RYR2: variants seen among roughly 807,000 people sequenced by gnomAD.
RYR2 encodes the protein ryanodine receptor 2.
RYR2 carries 227 observed loss-of-function variants against 601.1 expected under a neutral mutation model. The observed-to-expected ratio is 0.38, with a 90% CI of 0.34 to 0.42. The LOEUF is 0.42. Among genes scored for constraint, RYR2 ranks in the 10% least tolerant of loss-of-function variants. The probability of loss-of-function intolerance (pLI) is 1.00; values close to 1 mark genes in which losing one functional copy is unlikely to be tolerated. For missense variants in RYR2, 4,646 were observed against 6,156.5 expected, an observed-to-expected ratio of 0.75 and a Z score of 8.21; for synonymous variants, 2,223 against 2,175.1, an observed-to-expected ratio of 1.02 and a Z score of -0.61.
Position 237,649,930 on chromosome 1 carries a change from A to G in RYR2, c.7566A>G (p.Thr2522=), listed in dbSNP as rs1470523429. 2 of 1,613,998 alleles carry G rather than the reference A, an allele frequency of 1.2e-6. No individual in the cohort carries two copies. Among genetic ancestry groups the G allele is most frequent in the South Asian group, 1.1e-5 (1 of 91,084 alleles). Residue 2522 remains threonine, a synonymous_variant, in exon 50 of 105, where the codon ACA becomes ACG. Coordinates refer to ENST00000366574, the MANE Select transcript of RYR2 (RefSeq NM_001035.3). ...TGGCCCTCAATCGGTACCTTTGCAC[A>G]GCCGTCTTGCCATTGTTAACAAGAT... ...MALALNRYLC[T]AVLPLLTRCA... is the part of the protein sequence containing the mutation.
At chr1:237,540,604 G>T (rs1669153084) in intron 25 of RYR2, among the ~76,000 whole-genome samples, 1 of 152,108 alleles carries the variant, frequency 6.6e-6, no homozygotes, top group South Asian at 2.1e-4. Flanking sequence ...CTACTTGGGA[G>T]GCTGAGGCGG....
chr1:237,809,667 T>G (rs1397961129), intron 100 of RYR2, among the ~76,000 whole-genome samples: 1 of 152,152 alleles, frequency 6.6e-6, no homozygotes, highest in Non-Finnish European at 1.5e-5. Context: ...TATCCTTCAG[T>G]AAGCTCCTCA....
chr1:237,400,516 C>T (rs576969163), intron 10 of RYR2, among the ~76,000 whole-genome samples: 1 of 152,086 alleles, frequency 6.6e-6, no homozygotes, highest in African/African-American at 2.4e-5. Context: ...TGGTCCTGCC[C>T]AATATCTGAT....
chr1:237,616,103 G>T (rs1267094708), intron 37 of RYR2, among the ~76,000 whole-genome samples: 6 of 152,110 alleles, frequency 3.9e-5, no homozygotes, highest in African/African-American at 1.2e-4. Flanking sequence ...AACTCTAGGA[G>T]ACCATGCTCA....
chr1:237,496,780 T>C (rs1478753552), intron 20 of RYR2, 28 bp downstream of exon 20: 1 of 1,588,040 alleles, frequency 6.3e-7, no homozygotes, highest in Admixed American at 1.7e-5. Flanking sequence ...TCTTTCACCG[T>C]GTTCCAGAAG....
At chr1:237,288,796 A>G (rs948706895) in intron 2 of RYR2, among the ~76,000 whole-genome samples, 2 of 152,050 alleles carry the variant, frequency 1.3e-5, no homozygotes, top group African/African-American at 4.8e-5. Flanking sequence ...TCTGGACACT[A>G]GATTTGCACC....
chr1:237,453,475 A>G (rs951913604), intron 14 of RYR2, among the ~76,000 whole-genome samples: 11 of 152,144 alleles, frequency 7.2e-5, no homozygotes, highest in Non-Finnish European at 4.4e-5. Context: ...CAGCATAGTC[A>G]GAAAATTAGT....
At chr1:237,585,488 G>A (rs950476835) in intron 29 of RYR2, among the ~76,000 whole-genome samples, 4 of 152,168 alleles carry the variant, frequency 2.6e-5, no homozygotes, top group South Asian at 2.1e-4. Flanking sequence ...GGGAGGTGAC[G>A]GAGGCCTGGC....
At chr1:237,216,783 C>CA (rs368202599) in intron 1 of RYR2, among the ~76,000 whole-genome samples, 3,554 of 148,178 alleles carry the variant, frequency 0.024, 132 homozygotes, top group African/African-American at 0.08. Context: ...CAAAACAAAA[C>CA]AAAAAAAAGC....
rs1446700516 is a variant in RYR2 at position 237,727,123 on chromosome 1, C to T, written c.10762C>T (p.His3588Tyr). The T allele has an allele frequency of 1.2e-6, 2 of 1,605,076 alleles. No individual in the cohort carries two copies. Among genetic ancestry groups the T allele is most frequent in the Non-Finnish European group, 1.7e-6 (2 of 1,172,282 alleles). The change falls in exon 76 of 105, where the codon CAT becomes TAT. Residue 3588 changes from histidine to tyrosine, a missense_variant. Physicochemically the swap from His to Tyr is moderately conservative, Grantham distance 83. Coordinates refer to ENST00000366574, the MANE Select transcript of RYR2 (RefSeq NM_001035.3). ...HPQRSKKAVWHKLLSKQRKRA... is the reference protein window; with the variant it reads ...HPQRSKKAVWYKLLSKQRKRA... ...TCAGAGATCTAAAAAGGCTGTATGG[C>T]ATAAACTACTGTCCAAGCAGAGGAA... is the stretch of plus-strand genomic sequence containing the variant.
At chr1:237,556,504 T>A (rs1228825920) in intron 27 of RYR2, among the ~76,000 whole-genome samples, 2 of 131,132 alleles carry the variant, frequency 1.5e-5, no homozygotes, top group African/African-American at 2.8e-5. Flanking sequence ...AGAGGCGGGG[T>A]TTCACCATAT....
chr1:237,090,000 C>A (rs1056629953), intron 1 of RYR2, among the ~76,000 whole-genome samples: 3 of 152,174 alleles, frequency 2.0e-5, no homozygotes, highest in Non-Finnish European at 2.9e-5. Flanking sequence ...AGGAAACTTA[C>A]AATCATGGCA....
Position 237,138,490 on chromosome 1 carries a change from C to T in RYR2, c.48+95921C>T, listed in dbSNP as rs1393063965. ...AATCTAGTTTTGTCATTTAAAGTCT[C>T]GGGGCTTATTTTCTTATATGTGGAA... is the stretch of plus-strand genomic sequence containing the variant. On this transcript the variant is annotated intron_variant, in intron 1 of 104. Coordinates refer to ENST00000366574, the MANE Select transcript of RYR2 (RefSeq NM_001035.3). 1.3e-5 allele frequency among the ~76,000 whole-genome samples: 2 copies of T among 151,818 alleles called. 1 individual carries two copies. Among genetic ancestry groups the T allele is most frequent in the Admixed American group, 1.3e-4 (2 of 15,248 alleles).
chr1:237,716,876 G>A (rs946848519), intron 71 of RYR2, among the ~76,000 whole-genome samples: 9 of 151,656 alleles, frequency 5.9e-5, no homozygotes, highest in Non-Finnish European at 4.4e-5. Context: ...AAATTAGAAA[G>A]CACACAATAT....
chr1:237,603,829 C>T (rs1676790312), intron 35 of RYR2, among the ~76,000 whole-genome samples: 1 of 152,112 alleles, frequency 6.6e-6, no homozygotes, highest in African/African-American at 2.4e-5. Context: ...CAAACAAGGC[C>T]ATTACATAAT....
rs138350770 is a variant in RYR2 at position 237,507,178 on chromosome 1, A to G, written c.2718+364A>G. Among the ~76,000 whole-genome samples the G allele has an allele frequency of 1.3e-3, 201 of 152,344 alleles. 5 individuals carry two copies. In the East Asian group the frequency reaches 0.029, roughly 22 times the overall value. ...GAAAGTGAAAACTGAAAATGAAAAG[A>G]AGGCAATTTACTTTTCTCTCGCTCA... On this transcript the variant is annotated intron_variant, in intron 23 of 104. Coordinates refer to ENST00000366574, the MANE Select transcript of RYR2 (RefSeq NM_001035.3).
intron 48 of RYR2, among the ~76,000 whole-genome samples, chr1:237,647,513 T>C (rs1218622519): frequency 6.6e-6 from 1 of 152,210 alleles, no homozygotes; most frequent in African/African-American, 2.4e-5. Flanking sequence ...CTTTAGAACA[T>C]TATTTGTTTG....
chr1:237,182,487 C>T (rs1364266612), intron 1 of RYR2, among the ~76,000 whole-genome samples: 1 of 152,138 alleles, frequency 6.6e-6, no homozygotes, highest in Non-Finnish European at 1.5e-5. Context: ...CACCATCTTA[C>T]TCTTATTTCT....
intron 40 of RYR2, among the ~76,000 whole-genome samples, chr1:237,626,440 T>A (rs1679655330): frequency 6.6e-6 from 1 of 152,110 alleles, no homozygotes; most frequent in Non-Finnish European, 1.5e-5. Flanking sequence ...ACAGCACTTT[T>A]TTTTGACTTA....
Sources: gnomAD v4.1 joint callset for allele counts (sites outside exome capture counted in the v4.1 genomes callset) on GRCh38, gnomAD v4.1.1 for gene constraint, MANE v1.5 for transcripts, NCBI Gene and HGNC (gene_info 2026-07-23, HGNC 2026-07-21) for gene names.